Variants in RASSF3 observed in about 807,000 individuals in gnomAD.
The protein encoded by RASSF3 is Ras association domain family member 3.
Under a neutral mutation model 19.9 loss-of-function variants are expected in RASSF3, and 19 were observed. That is an observed-to-expected ratio of 0.96 (90% CI 0.67 to 1.40). The LOEUF (loss-of-function observed/expected upper bound fraction) is 1.40. RASSF3 is among the 40% of genes most tolerant of loss of function. RASSF3 has a pLI of 0.00. For missense variants in RASSF3, 306 were observed against 289.8 expected (o/e 1.06, Z -0.41); for synonymous variants, 110 against 104.2 (o/e 1.06, Z -0.34).
chr12:64,601,833 T>C (rs1870096056), intron 2 of RASSF3, among the ~76,000 whole-genome samples: 1 of 150,386 alleles, frequency 6.6e-6, no homozygotes, highest in African/African-American at 2.4e-5. Context: ...TTAAGAAATA[T>C]AAGGCCGGGT....
At chr12:64,563,909 T>C (rs1356929300) in intron 2 of RASSF3, among the ~76,000 whole-genome samples, 1 of 152,096 alleles carries the variant, frequency 6.6e-6, no homozygotes, top group Non-Finnish European at 1.5e-5. Context: ...ATTTATTTCT[T>C]CTCTCCCCCA....
intron 1 of RASSF3, among the ~76,000 whole-genome samples, chr12:64,645,249 G>A (rs1205241872): frequency 6.6e-6 from 1 of 152,196 alleles, no homozygotes; most frequent in Non-Finnish European, 1.5e-5. Flanking sequence ...ATTAATTAAT[G>A]TATTAAGTGA....
chr12:64,556,316 G>A (rs968716079), intron 2 of RASSF3, among the ~76,000 whole-genome samples: 2 of 152,106 alleles, frequency 1.3e-5, no homozygotes, highest in African/African-American at 4.8e-5. Flanking sequence ...ACCACACCCA[G>A]CTAATTTTTT....
chr12:64,567,104 A>G (rs1274461066), intron 2 of RASSF3, among the ~76,000 whole-genome samples: 1 of 152,200 alleles, frequency 6.6e-6, no homozygotes, highest in African/African-American at 2.4e-5. Context: ...ATTTCAAAAG[A>G]GGCCTGGTTA....
At chr12:64,515,139 C>G (rs1457869328) in intron 1 of RASSF3, among the ~76,000 whole-genome samples, 1 of 152,066 alleles carries the variant, frequency 6.6e-6, no homozygotes, top group African/African-American at 2.4e-5. Context: ...TCACTGCAAC[C>G]TCCGCCTCCC....
chr12:64,645,883 C>A lies in RASSF3; in HGVS notation c.111+35140C>A, dbSNP rs372498771. 1.6e-4 allele frequency among the ~76,000 whole-genome samples: 24 copies of A among 152,252 alleles called. No homozygotes were observed. The East Asian group carries it at 1.9e-3, about 12-fold the overall frequency. On this transcript the variant is annotated intron_variant, in intron 1 of 4. Transcript: ENST00000542104. ...CCAGGAAGGTTCCTATGTGACTGTTCACAATCAGTAATCTCCCCAGCCCTT... is the reference window on the plus strand; with the variant it reads ...CCAGGAAGGTTCCTATGTGACTGTTAACAATCAGTAATCTCCCCAGCCCTT...
At chr12:64,661,601 G>A (rs1047920465) in intron 1 of RASSF3, among the ~76,000 whole-genome samples, 4 of 152,024 alleles carry the variant, frequency 2.6e-5, no homozygotes, top group Admixed American at 1.3e-4. Flanking sequence ...AGGCTGAGAT[G>A]GGAGGATCAT....
At position 64,513,661 on chromosome 12, in the gene RASSF3, T is replaced by C. The variant is rs531654105; in HGVS notation, c.169+6332T>C. Among the ~76,000 whole-genome samples, 50 of 152,202 alleles carry C rather than the reference T, an allele frequency of 3.3e-4. 1 individual carries two copies. In the South Asian group the frequency reaches 8.7e-3, roughly 27 times the overall value. ...GGGTCTCAGATATGCACATTATTAC[T>C]GAGGCAAGGTTCCCCTCCCAGTTGC... On this transcript the variant is annotated intron_variant, in intron 1 of 5. Transcript: ENST00000637125.
At chr12:64,525,334 A>T (rs1868562086) in intron 1 of RASSF3, among the ~76,000 whole-genome samples, 1 of 152,276 alleles carries the variant, frequency 6.6e-6, no homozygotes, top group African/African-American at 2.4e-5. Flanking sequence ...GCCATTTTCT[A>T]CTCTGAATTG....
intron 1 of RASSF3, among the ~76,000 whole-genome samples, chr12:64,641,798 A>G (rs918231241): frequency 2.0e-5 from 3 of 150,734 alleles, no homozygotes; most frequent in African/African-American, 7.3e-5. Context: ...GCTAGAGTGC[A>G]GTAGTGTGAT....
chr12:64,689,171 T>C (rs1873477223), intron 3 of RASSF3, among the ~76,000 whole-genome samples: 1 of 151,782 alleles, frequency 6.6e-6, no homozygotes, highest in Non-Finnish European at 1.5e-5. Flanking sequence ...TTGATAACAT[T>C]GGTGGACAGT....
At chr12:64,565,481 G>C (rs1869413591) in intron 2 of RASSF3, among the ~76,000 whole-genome samples, 1 of 152,184 alleles carries the variant, frequency 6.6e-6, no homozygotes, top group Non-Finnish European at 1.5e-5. Flanking sequence ...GGGAGACCGA[G>C]GGAGGTGGAT....
At chr12:64,620,988 T>G (rs1870738142) in intron 1 of RASSF3, among the ~76,000 whole-genome samples, 1 of 151,970 alleles carries the variant, frequency 6.6e-6, no homozygotes, top group Non-Finnish European at 1.5e-5. Flanking sequence ...CAGGCTGGAG[T>G]GTAATGGCGC....
At chr12:64,608,786 A>C (rs1227952347), upstream of RASSF3, among the ~76,000 whole-genome samples, 1 of 152,208 alleles carries the variant, frequency 6.6e-6, no homozygotes, top group Admixed American at 6.5e-5. Context: ...AAATAAGAGA[A>C]ACCAAATAAG....
chr12:64,689,432 A>G (rs1343762368), intron 3 of RASSF3, among the ~76,000 whole-genome samples: 3 of 152,152 alleles, frequency 2.0e-5, no homozygotes, highest in Non-Finnish European at 4.4e-5. Flanking sequence ...GTGGAATACA[A>G]AGATGAACAG....
intron 2 of RASSF3, among the ~76,000 whole-genome samples, chr12:64,599,570 C>A (rs1199171577): frequency 2.6e-5 from 4 of 152,198 alleles, no homozygotes; most frequent in African/African-American, 9.6e-5. Context: ...GTCTGACACT[C>A]CTCTCACCCT....
At chr12:64,653,921 C>A (rs942155628) in intron 1 of RASSF3, 2 of 152,372 alleles carry the variant, frequency 1.3e-5, no homozygotes, top group African/African-American at 4.8e-5. Flanking sequence ...CCATGGGACC[C>A]AGCTTGGAGG....
chr12:64,625,599 G>A (rs572732644), intron 1 of RASSF3, among the ~76,000 whole-genome samples: 1 of 152,216 alleles, frequency 6.6e-6, no homozygotes, highest in East Asian at 1.9e-4. Context: ...TGTGCTCATG[G>A]TTTAGGAACT....
intron 1 of RASSF3, among the ~76,000 whole-genome samples, chr12:64,646,662 C>CA (rs1161348590): frequency 6.6e-6 from 1 of 152,074 alleles, no homozygotes. Context: ...CTCTTATATT[C>CA]ATGCTGAAAT....
Sources: gnomAD v4.1 joint callset for allele counts (sites outside exome capture counted in the v4.1 genomes callset) on GRCh38, gnomAD v4.1.1 for gene constraint, MANE v1.5 for transcripts, NCBI Gene and HGNC (gene_info 2026-07-23, HGNC 2026-07-21) for gene names.